CGAS: variants seen among roughly 807,000 people sequenced by gnomAD.
CGAS encodes cyclic GMP-AMP synthase.
In CGAS, 31 loss-of-function variants were observed where a neutral mutation model predicts 34.0. That is an observed-to-expected ratio of 0.91 (90% CI 0.69 to 1.23). CGAS has a LOEUF of 1.23. Ranked by LOEUF, CGAS falls within the 50% of genes most tolerant of loss-of-function variation. The probability of loss-of-function intolerance (pLI) is 0.00; values close to 1 mark genes in which losing one functional copy is unlikely to be tolerated. For missense variants in CGAS, 597 were observed against 657.6 expected, an observed-to-expected ratio of 0.91 and a Z score of 1.01; for synonymous variants, 266 against 260.0, an observed-to-expected ratio of 1.02 and a Z score of -0.22.
rs1770050146 is a variant in CGAS, at chr6:73,424,409, G to A, written c.*818C>T. ...AGATCATGCCACTGGACTCCAGCCT[G>A]GGCGACAGAGCGAGACTCCATCTAA... On this transcript the variant is annotated 3_prime_UTR_variant, in exon 5 of 5. Transcript: ENST00000370315. 6.6e-6 allele frequency: 1 copy of A among 151,258 alleles called. No homozygotes were observed. The highest frequency in any genetic ancestry group is 6.6e-5 in the Admixed American group (1 of 15,166). The allele number at this position is 151,258 out of a possible 1,614,324, so 9.4% of individuals were successfully genotyped here.
intron 1 of CGAS, 70 bp downstream of exon 1, chr6:73,451,455 G>A: frequency 6.9e-7 from 1 of 1,454,074 alleles, no homozygotes; most frequent in Non-Finnish European, 9.2e-7. Flanking sequence ...CGCGACCCGG[G>A]GAAGGTAGGG....
chr6:73,450,241 AG>A (rs1770541057), intron 1 of CGAS, among the ~76,000 whole-genome samples: 1 of 151,952 alleles, frequency 6.6e-6, no homozygotes. Flanking sequence ...ACATGGAGAA[AG>A]CCCGTCTCTA....
intron 3 of CGAS, among the ~76,000 whole-genome samples, chr6:73,430,926 A>G (rs908309924): frequency 2.0e-5 from 3 of 151,602 alleles, no homozygotes; most frequent in Admixed American, 2.0e-4. Context: ...ACATGGCGAA[A>G]CTCCGTCGCT....
rs902376653 is a variant in CGAS, at chr6:73,424,935, C to A, written c.*292G>T. 7 of 189,278 alleles carry A rather than the reference C, an allele frequency of 3.7e-5. No individual in the cohort carries two copies. The highest frequency in any genetic ancestry group is 7.5e-5 in the Non-Finnish European group (7 of 92,988). 11.7% of individuals were successfully genotyped at this position (189,278 alleles called of 1,614,324 possible). ...GTGGTGCCATCTTGACTCACTGCAA[C>A]CTCCACCTCCTGGGTTCAAGTGATT... On this transcript the variant is annotated 3_prime_UTR_variant, in exon 5 of 5. Transcript: ENST00000370315.
intron 2 of CGAS, among the ~76,000 whole-genome samples, chr6:73,444,792 G>T (rs1327134401): frequency 6.6e-6 from 1 of 152,138 alleles, no homozygotes. Flanking sequence ...AGGTGGGGTG[G>T]GAGTAGGGTG....
At chr6:73,450,939 G>C (rs1398530858) in intron 1 of CGAS, among the ~76,000 whole-genome samples, 3 of 146,310 alleles carry the variant, frequency 2.1e-5, no homozygotes, top group Non-Finnish European at 4.5e-5. Context: ...GCAGTGAGCC[G>C]AGATAGCGCC....
chr6:73,425,464 G>A lies in CGAS; in HGVS notation c.1332C>T (p.His444=), dbSNP rs780908002. ...TGTCTTGAGGGTTCTGGGTACATAC[G>A]TGAAAGAAGGCAGTTTTCACATGAT... is the stretch of plus-strand genomic sequence containing the variant. The part of the protein sequence containing the change: ...SSYHVKTAFF[H]VCTQNPQDSQ... The change falls in exon 5 of 5, where the codon CAC becomes CAT. Residue 444 remains histidine (H), a synonymous_variant. Transcript: ENST00000370315. 9.3e-6 allele frequency: 15 copies of A among 1,614,052 alleles called. No individual in the cohort carries two copies. The South Asian group carries it at 1.1e-4, about 12-fold the overall frequency.
At chr6:73,445,317 AATAG>A (rs1341151063) in intron 2 of CGAS, among the ~76,000 whole-genome samples, 1 of 151,622 alleles carries the variant, frequency 6.6e-6, no homozygotes, top group Admixed American at 6.6e-5. Flanking sequence ...TTAGAGAACA[AATAG>A]ATAAAGACCT....
intron 3 of CGAS, among the ~76,000 whole-genome samples, chr6:73,434,342 C>A (rs1332117105): frequency 6.6e-6 from 1 of 152,174 alleles, no homozygotes; most frequent in Non-Finnish European, 1.5e-5. Context: ...GTCAACTGTA[C>A]ATGACTGTAA....
intron 3 of CGAS, among the ~76,000 whole-genome samples, chr6:73,429,923 A>T (rs1159592997): frequency 6.6e-6 from 1 of 152,166 alleles, no homozygotes; most frequent in Admixed American, 6.6e-5. Context: ...AAGTATAAGT[A>T]GTTTATAATC....
chr6:73,448,354 G>A (rs942602822), intron 1 of CGAS, among the ~76,000 whole-genome samples: 1 of 151,964 alleles, frequency 6.6e-6, no homozygotes, highest in African/African-American at 2.4e-5. Flanking sequence ...GGCCACCCAC[G>A]CCATTGTACT....
chr6:73,435,220 T>G (rs1465394357), intron 3 of CGAS, among the ~76,000 whole-genome samples: 1 of 152,164 alleles, frequency 6.6e-6, no homozygotes, highest in African/African-American at 2.4e-5. Context: ...CTGTACTATC[T>G]TCACAATTTT....
rs1298048773 is a variant in CGAS at position 73,452,202 on chromosome 6, C to G, written c.-21G>C. Reference sequence around the variant, plus strand: ...TGCATGGCTGGCGCTTTCTGTTCCCCGAAAGAAGAATCCGTTTCAGGAAAA... The same window carrying G: ...TGCATGGCTGGCGCTTTCTGTTCCCGGAAAGAAGAATCCGTTTCAGGAAAA... On this transcript the variant is annotated 5_prime_UTR_variant, in exon 1 of 5. Transcript: ENST00000370315. The G allele has an allele frequency of 4.4e-6, 7 of 1,580,182 alleles. No homozygotes were observed. Among genetic ancestry groups the G allele is most frequent in the East Asian group, 2.3e-5 (1 of 43,336 alleles).
intron 4 of CGAS, among the ~76,000 whole-genome samples, chr6:73,427,076 C>T (rs1001039428): frequency 1.3e-5 from 2 of 151,700 alleles, no homozygotes; most frequent in Non-Finnish European, 2.9e-5. Context: ...TCTCGAACTC[C>T]TGACCTCAGG....
At chr6:73,427,966 C>G (rs1219063205) in intron 4 of CGAS, among the ~76,000 whole-genome samples, 5 of 152,144 alleles carry the variant, frequency 3.3e-5, no homozygotes, top group Non-Finnish European at 4.4e-5. Context: ...GCACCAGTCA[C>G]CATGCCTGGC....
intron 3 of CGAS, among the ~76,000 whole-genome samples, chr6:73,434,078 T>C (rs1307752756): frequency 6.6e-6 from 1 of 152,202 alleles, no homozygotes; most frequent in Non-Finnish European, 1.5e-5. Flanking sequence ...AGACTAATTA[T>C]AAAGCTACAT....
intron 3 of CGAS, among the ~76,000 whole-genome samples, chr6:73,430,504 G>A (rs1346931800): frequency 6.6e-6 from 1 of 152,082 alleles, no homozygotes; most frequent in Non-Finnish European, 1.5e-5. Flanking sequence ...CCACATGTAT[G>A]TATGTATTTG....
At chr6:73,434,065 T>C (rs1770238938) in intron 3 of CGAS, among the ~76,000 whole-genome samples, 1 of 152,186 alleles carries the variant, frequency 6.6e-6, no homozygotes, top group East Asian at 1.9e-4. Flanking sequence ...CTAAAAGATA[T>C]TGAGACTAAT....
At chr6:73,441,687 A>G (rs1770383185) in intron 2 of CGAS, among the ~76,000 whole-genome samples, 1 of 152,170 alleles carries the variant, frequency 6.6e-6, no homozygotes. Flanking sequence ...CTATGGTCAG[A>G]AATTTAGATG....
Sources: allele counts gnomAD v4.1 joint callset (sites outside exome capture counted in the v4.1 genomes callset), GRCh38; gene constraint gnomAD v4.1.1; transcripts MANE v1.5; gene names NCBI Gene and HGNC (gene_info 2026-07-23, HGNC 2026-07-21).